The following PLLP variants were observed in gnomAD, a reference collection of about 807,000 sequenced individuals.
PLLP encodes plasmolipin.
Under a neutral mutation model 19.7 loss-of-function variants are expected in PLLP, and 15 were observed. The ratio of observed to expected loss-of-function variants is 0.76; its 90% CI spans 0.51 to 1.17. The LOEUF (loss-of-function observed/expected upper bound fraction) is 1.17, where lower values mean the gene tolerates loss of function less well. Ranked by LOEUF, PLLP falls within the 50% of genes most tolerant of loss-of-function variation. The probability of loss-of-function intolerance (pLI) is 0.00; values close to 1 mark genes in which losing one functional copy is unlikely to be tolerated. For synonymous variants in PLLP, 111 were observed against 116.3 expected, an observed-to-expected ratio of 0.95 and a Z score of 0.29; for missense variants, 255 against 258.3, an observed-to-expected ratio of 0.99 and a Z score of 0.09.
In PLLP at chr16:57,258,441, G is replaced by A. The variant is rs1413269650; in HGVS notation, c.432+21C>T. The A allele has an allele frequency of 1.9e-6, 3 of 1,605,722 alleles. No individual in the cohort carries two copies. In the South Asian group the frequency reaches 3.3e-5, roughly 18 times the overall value. The stretch of plus-strand genomic sequence containing the variant: ...GCTGAGACCCTGCAGACCACCAAGG[G>A]AGCCTGGGAAGCAGACTCACCGAGG... On this transcript the variant is annotated intron_variant, in intron 3 of 3. Coordinates refer to ENST00000219207, the MANE Select transcript of PLLP (RefSeq NM_015993.3).
intron 1 of PLLP, among the ~76,000 whole-genome samples, chr16:57,275,079 T>G (rs1901133001): frequency 6.9e-6 from 1 of 145,044 alleles, no homozygotes; most frequent in Non-Finnish European, 1.5e-5. Flanking sequence ...TTCTTATGTG[T>G]GTCTCCAGGG....
rs146817541 is a variant in PLLP, at chr16:57,267,194, T to A, written c.136-5124A>T. ...TGACTCTGAGGGAAGTTTTTCCTCA[T>A]CTCTTATTGTGGTTTGCAATGTGTT... is the stretch of plus-strand genomic sequence containing the variant. On this transcript the variant is annotated intron_variant, in intron 1 of 3. Coordinates refer to ENST00000219207, the MANE Select transcript of PLLP (RefSeq NM_015993.3). Among the ~76,000 whole-genome samples, 566 of 152,290 alleles carry A rather than the reference T, an allele frequency of 3.7e-3. 5 individuals carry two copies. The highest frequency in any genetic ancestry group is 0.013 in the African/African-American group (542 of 41,542).
chr16:57,269,040 G>A (rs542723229), intron 1 of PLLP, among the ~76,000 whole-genome samples: 1 of 152,280 alleles, frequency 6.6e-6, no homozygotes, highest in African/African-American at 2.4e-5. Flanking sequence ...CCCACAGGAG[G>A]CCCCAGAAAT....
intron 1 of PLLP, among the ~76,000 whole-genome samples, chr16:57,265,013 C>T (rs1160654634): frequency 2.0e-5 from 3 of 152,246 alleles, no homozygotes; most frequent in Non-Finnish European, 4.4e-5. Context: ...GAAGGTGTCC[C>T]GCTCTCCAGG....
chr16:57,272,925 C>T (rs1458412307), intron 1 of PLLP, among the ~76,000 whole-genome samples: 1 of 151,696 alleles, frequency 6.6e-6, no homozygotes, highest in African/African-American at 2.4e-5. Context: ...CTACTGCACT[C>T]CAGCCTGAGT....
chr16:57,262,809 C>T (rs1361473719), intron 1 of PLLP, among the ~76,000 whole-genome samples: 2 of 152,104 alleles, frequency 1.3e-5, no homozygotes, highest in Non-Finnish European at 2.9e-5. Flanking sequence ...CCCTGCCCTG[C>T]ACTCTCACTC....
chr16:57,270,326 C>T (rs1272131166), intron 1 of PLLP, among the ~76,000 whole-genome samples: 6 of 141,058 alleles, frequency 4.3e-5, no homozygotes, highest in Non-Finnish European at 7.7e-5. Flanking sequence ...CCATCCACAG[C>T]CCCCAAGTCC....
chr16:57,258,245 A>G (rs1254497324), intron 3 of PLLP, among the ~76,000 whole-genome samples: 1 of 152,040 alleles, frequency 6.6e-6, no homozygotes, highest in East Asian at 1.9e-4. Context: ...AAAAGAAAAA[A>G]TAGTTAACCC....
chr16:57,274,132 C>G (rs543104310), intron 1 of PLLP, among the ~76,000 whole-genome samples: 1 of 151,990 alleles, frequency 6.6e-6, no homozygotes, highest in South Asian at 2.1e-4. Context: ...GACAGGCGCA[C>G]ACAACCATAC....
intron 1 of PLLP, among the ~76,000 whole-genome samples, chr16:57,269,188 C>T (rs1191134177): frequency 6.6e-6 from 1 of 152,178 alleles, no homozygotes; most frequent in Non-Finnish European, 1.5e-5. Flanking sequence ...AGATTTCCCG[C>T]AGAGGTCAAC....
At chr16:57,259,565 C>T (rs781307187) in intron 2 of PLLP, among the ~76,000 whole-genome samples, 1 of 152,242 alleles carries the variant, frequency 6.6e-6, no homozygotes, top group Non-Finnish European at 1.5e-5. Flanking sequence ...TCACCGTCTT[C>T]AAACGCCTGG....
intron 1 of PLLP, among the ~76,000 whole-genome samples, chr16:57,278,586 C>A (rs977590609): frequency 1.3e-5 from 2 of 151,994 alleles, no homozygotes; most frequent in African/African-American, 2.4e-5. Context: ...ACTCAATACT[C>A]CCCCCCTTGC....
intron 3 of PLLP, 67 bp downstream of exon 3, chr16:57,258,395 G>A (rs1239599753): frequency 1.9e-6 from 3 of 1,552,086 alleles, no homozygotes; most frequent in Non-Finnish European, 2.6e-6. Flanking sequence ...CTCAGACCAA[G>A]CGAGCAGCCT....
chr16:57,273,529 C>G (rs1392490105), intron 1 of PLLP, among the ~76,000 whole-genome samples: 4 of 152,212 alleles, frequency 2.6e-5, no homozygotes, highest in African/African-American at 9.7e-5. Flanking sequence ...CCCAGCCCAA[C>G]AGCAAAGGGC....
intron 1 of PLLP, among the ~76,000 whole-genome samples, chr16:57,271,598 T>C (rs1036558336): frequency 2.0e-5 from 3 of 151,732 alleles, no homozygotes; most frequent in African/African-American, 7.3e-5. Context: ...TGAGCCAAGA[T>C]GGCACCATTG....
chr16:57,264,608 G>A (rs1229762070), intron 1 of PLLP, among the ~76,000 whole-genome samples: 2 of 152,214 alleles, frequency 1.3e-5, no homozygotes, highest in African/African-American at 4.8e-5. Context: ...ATTTGGGGAG[G>A]CCAAGGTGGG....
At chr16:57,270,452 A>C (rs1460361205) in intron 1 of PLLP, among the ~76,000 whole-genome samples, 9 of 150,914 alleles carry the variant, frequency 6.0e-5, no homozygotes, top group African/African-American at 2.2e-4. Flanking sequence ...TGCTCCATCC[A>C]GGAAAACCAC....
At position 57,284,415 on chromosome 16, in the gene PLLP, C is replaced by T. The variant is rs748646074; in HGVS notation, c.126G>A (p.Leu42=). ...FVRSRLGALM[L]LQLVLGLLVW... ...CCGCGCGTGCTCTCACCAGCTGCAG[C>T]AGCATGAGCGCCCCGAGGCGGGAGC... Residue 42 remains leucine (L), a synonymous_variant, in exon 1 of 4, where the codon CTG becomes CTA. Coordinates refer to ENST00000219207, the MANE Select transcript of PLLP (RefSeq NM_015993.3). The T allele has an allele frequency of 4.2e-6, 6 of 1,421,038 alleles. No individual in the cohort carries two copies. The highest frequency in any genetic ancestry group is 5.5e-6 in the Non-Finnish European group (6 of 1,086,404). 88.0% of individuals were successfully genotyped at this position (1,421,038 alleles called of 1,614,324 possible). A position where few individuals can be genotyped will look rare whatever the true frequency, so the allele number is the denominator to read the frequency against.
At chr16:57,278,330 A>T (rs56818576) in intron 1 of PLLP, among the ~76,000 whole-genome samples, 4,688 of 152,286 alleles carry the variant, frequency 0.031, 245 homozygotes, top group African/African-American at 0.11. Context: ...ACAGAGCACA[A>T]GAAGAGCTCT....
Sources: gnomAD v4.1 joint callset for allele counts (sites outside exome capture counted in the v4.1 genomes callset) on GRCh38, gnomAD v4.1.1 for gene constraint, MANE v1.5 for transcripts, NCBI Gene and HGNC (gene_info 2026-07-23, HGNC 2026-07-21) for gene names.